Variants in SMYD3 observed in about 807,000 individuals in gnomAD.
SMYD3 encodes the protein histone-lysine N-methyltransferase SMYD3.
A neutral mutation model predicts 57.7 loss-of-function variants in SMYD3; 36 were observed. The ratio of observed to expected loss-of-function variants is 0.62; its 90% CI spans 0.48 to 0.82. The LOEUF (loss-of-function observed/expected upper bound fraction) is 0.82, where lower values mean the gene tolerates loss of function less well. Ranked by LOEUF, SMYD3 falls within the 40% of genes least tolerant of loss-of-function variation. SMYD3 has a pLI of 0.00. For synonymous variants in SMYD3, 211 were observed against 195.0 expected (o/e 1.08, Z -0.68); for missense variants, 515 against 538.8 (o/e 0.96, Z 0.44).
chr1:245,924,084 G>A (rs1281187564), intron 7 of SMYD3, among the ~76,000 whole-genome samples: 1 of 152,176 alleles, frequency 6.6e-6, no homozygotes, highest in Admixed American at 6.5e-5. Flanking sequence ...GGCAGCCAAT[G>A]GCATTATTTG....
At chr1:245,809,466 A>G (rs1382594320) in intron 10 of SMYD3, among the ~76,000 whole-genome samples, 1 of 152,106 alleles carries the variant, frequency 6.6e-6, no homozygotes, top group East Asian at 1.9e-4. Flanking sequence ...GTTCAAAAGG[A>G]GGAAGGAGTA....
chr1:246,432,742 T>C (rs1025516341), intron 1 of SMYD3, among the ~76,000 whole-genome samples: 18 of 152,228 alleles, frequency 1.2e-4, no homozygotes, highest in African/African-American at 4.1e-4. Flanking sequence ...TTTACAGTGA[T>C]CTTGCTGTAT....
At chr1:245,758,457 T>C (rs1558305938) in intron 11 of SMYD3, among the ~76,000 whole-genome samples, 1 of 152,220 alleles carries the variant, frequency 6.6e-6, no homozygotes, top group Admixed American at 6.5e-5. Flanking sequence ...GTTAGATCTT[T>C]TGTTACTGAT....
intron 1 of SMYD3, among the ~76,000 whole-genome samples, chr1:246,451,256 C>A (rs2067628538): frequency 6.6e-6 from 1 of 152,180 alleles, no homozygotes; most frequent in Non-Finnish European, 1.5e-5. Flanking sequence ...AGACATTCAG[C>A]CATTCAAAAC....
intron 5 of SMYD3, among the ~76,000 whole-genome samples, chr1:246,082,413 T>C (rs1379966415): frequency 1.3e-5 from 2 of 152,130 alleles, no homozygotes; most frequent in Non-Finnish European, 2.9e-5. Flanking sequence ...CCTGGACCTG[T>C]GACTTATGAC....
chr1:245,816,118 C>T (rs949554859), intron 10 of SMYD3, among the ~76,000 whole-genome samples: 1 of 152,154 alleles, frequency 6.6e-6, no homozygotes, highest in South Asian at 2.1e-4. Context: ...AATGAAGCTT[C>T]TAGAGAAAAG....
intron 5 of SMYD3, among the ~76,000 whole-genome samples, chr1:246,320,865 T>A (rs2065236060): frequency 6.6e-6 from 1 of 152,184 alleles, no homozygotes; most frequent in Non-Finnish European, 1.5e-5. Context: ...ATACAATACA[T>A]TCCATGGCGT....
At chr1:246,490,714 A>G (rs2068256095) in intron 1 of SMYD3, among the ~76,000 whole-genome samples, 1 of 152,088 alleles carries the variant, frequency 6.6e-6, no homozygotes, top group Admixed American at 6.5e-5. Context: ...AAACAATTAA[A>G]AAATTAGCCA....
chr1:245,961,244 C>T (rs2057998935), intron 5 of SMYD3, among the ~76,000 whole-genome samples: 1 of 152,192 alleles, frequency 6.6e-6, no homozygotes, highest in African/African-American at 2.4e-5. Context: ...AGGGTCAACC[C>T]TCATTTCTAG....
chr1:245,913,294 T>C (rs1251489330), intron 8 of SMYD3, among the ~76,000 whole-genome samples: 4 of 145,838 alleles, frequency 2.7e-5, no homozygotes, highest in Middle Eastern at 3.9e-3. Context: ...TTCTCACTCA[T>C]AGGTGGGAAT....
chr1:245,996,837 G>A (rs1429027231), intron 5 of SMYD3, among the ~76,000 whole-genome samples: 1 of 152,198 alleles, frequency 6.6e-6, no homozygotes, highest in Non-Finnish European at 1.5e-5. Context: ...GGGAGGGAGA[G>A]GGACTTATTT....
intron 5 of SMYD3, among the ~76,000 whole-genome samples, chr1:246,173,832 G>A (rs1231651781): frequency 6.6e-6 from 1 of 151,982 alleles, no homozygotes; most frequent in Non-Finnish European, 1.5e-5. Flanking sequence ...TCTGAGACAG[G>A]GTCTTGCTTT....
chr1:246,291,665 A>C (rs2064693696), intron 5 of SMYD3, among the ~76,000 whole-genome samples: 1 of 152,232 alleles, frequency 6.6e-6, no homozygotes, highest in East Asian at 1.9e-4. Flanking sequence ...GTTCAACTGT[A>C]ATTTACACAT....
chr1:245,845,803 CT>C (rs2050635048), intron 10 of SMYD3, among the ~76,000 whole-genome samples: 1 of 152,182 alleles, frequency 6.6e-6, no homozygotes, highest in Non-Finnish European at 1.5e-5. Context: ...GAGTCGTTTT[CT>C]ATCTGAAATG....
intron 5 of SMYD3, among the ~76,000 whole-genome samples, chr1:245,985,126 A>G (rs901954892): frequency 4.6e-5 from 7 of 151,722 alleles, no homozygotes; most frequent in African/African-American, 1.5e-4. Flanking sequence ...CACCTCCTTC[A>G]CTGCCTCCCT....
chr1:246,309,805 T>C (rs1328307334), intron 5 of SMYD3, among the ~76,000 whole-genome samples: 2 of 152,168 alleles, frequency 1.3e-5, no homozygotes, highest in African/African-American at 4.8e-5. Context: ...TCTAGAAATA[T>C]AAGTTCAAAT....
chr1:246,462,845 A>G (rs754062005), intron 1 of SMYD3, among the ~76,000 whole-genome samples: 8 of 152,190 alleles, frequency 5.3e-5, no homozygotes, highest in Non-Finnish European at 1.0e-4. Context: ...CTGGTAAACA[A>G]AGCAACAAAA....
intron 11 of SMYD3, among the ~76,000 whole-genome samples, chr1:245,752,875 G>T (rs2045449946): frequency 6.6e-6 from 1 of 152,186 alleles, no homozygotes; most frequent in Non-Finnish European, 1.5e-5. Context: ...CACCTGGCTT[G>T]AGAGTTAGAC....
At chr1:246,196,480 G>A (rs2062831878) in intron 5 of SMYD3, among the ~76,000 whole-genome samples, 1 of 152,178 alleles carries the variant, frequency 6.6e-6, no homozygotes, top group Non-Finnish European at 1.5e-5. Context: ...GGGAATCACT[G>A]CTTTGTATAA....
Sources: gnomAD v4.1 joint callset for allele counts (sites outside exome capture counted in the v4.1 genomes callset) on GRCh38, gnomAD v4.1.1 for gene constraint, MANE v1.5 for transcripts, NCBI Gene and HGNC (gene_info 2026-07-23, HGNC 2026-07-21) for gene names.